The following SDHAF3 variants were observed in gnomAD, a reference collection of about 807,000 sequenced individuals.
The protein encoded by SDHAF3 is succinate dehydrogenase complex assembly factor 3, also known as succinate dehydrogenase assembly factor 3, mitochondrial.
A neutral mutation model predicts 11.5 loss-of-function variants in SDHAF3; 18 were observed. That is an observed-to-expected ratio of 1.56 (90% CI 1.08 to 2.32). SDHAF3 has a LOEUF of 2.32. Among genes scored for constraint, SDHAF3 ranks in the 30% most tolerant of loss-of-function variants. The probability of loss-of-function intolerance (pLI) is 0.00; values close to 1 mark genes in which losing one functional copy is unlikely to be tolerated. For synonymous variants in SDHAF3, 72 were observed against 59.3 expected, an observed-to-expected ratio of 1.21 and a Z score of -0.99; for missense variants, 200 against 154.4, an observed-to-expected ratio of 1.30 and a Z score of -1.57.
intron 1 of SDHAF3, among the ~76,000 whole-genome samples, chr7:97,172,667 C>G (rs1483736597): frequency 6.6e-6 from 1 of 152,074 alleles, no homozygotes; most frequent in East Asian, 1.9e-4. Flanking sequence ...TAATGGTACA[C>G]AAAGTGAATT....
chr7:97,170,505 A>T (rs1789588956), intron 1 of SDHAF3, among the ~76,000 whole-genome samples: 1 of 152,144 alleles, frequency 6.6e-6, no homozygotes, highest in South Asian at 2.1e-4. Context: ...TTCTGTGCTG[A>T]CTTCTCATTT....
At chr7:97,119,251 A>C (rs1371269803) in intron 1 of SDHAF3, among the ~76,000 whole-genome samples, 1 of 152,190 alleles carries the variant, frequency 6.6e-6, no homozygotes, top group Non-Finnish European at 1.5e-5. Context: ...TACAGGAAGG[A>C]GAGTAGCTCT....
chr7:97,176,487 A>G (rs1324922030), intron 1 of SDHAF3, among the ~76,000 whole-genome samples: 1 of 152,174 alleles, frequency 6.6e-6, no homozygotes, highest in Non-Finnish European at 1.5e-5. Flanking sequence ...TGACTTAGTC[A>G]TAAATTCACA....
At chr7:97,179,321 A>C (rs1438920005) in intron 1 of SDHAF3, among the ~76,000 whole-genome samples, 2 of 152,206 alleles carry the variant, frequency 1.3e-5, no homozygotes, top group African/African-American at 4.8e-5. Flanking sequence ...TTTGTAAATG[A>C]ATAATTTCTT....
intron 1 of SDHAF3, among the ~76,000 whole-genome samples, chr7:97,170,243 A>C (rs558316823): frequency 6.6e-6 from 1 of 152,148 alleles, no homozygotes; most frequent in East Asian, 1.9e-4. Context: ...AAAATCTATT[A>C]CTCCAGAAAG....
chr7:97,166,656 G>A (rs1199289), intron 1 of SDHAF3, among the ~76,000 whole-genome samples: 96,169 of 151,982 alleles, frequency 0.63, 30,449 homozygotes, highest in African/African-American at 0.65. Context: ...GATCAGGCAT[G>A]TCTGACCACC....
At chr7:97,146,617 T>A (rs1052323706) in intron 1 of SDHAF3, among the ~76,000 whole-genome samples, 21 of 152,194 alleles carry the variant, frequency 1.4e-4, no homozygotes, top group African/African-American at 5.1e-4. Flanking sequence ...TTTAATTGCC[T>A]GATATCTTTT....
intron 1 of SDHAF3, chr7:97,135,603 C>CTGTGTG (rs368986011): frequency 3.6e-5 from 4 of 112,392 alleles, no homozygotes. Context: ...GTGTGTGTGT[C>CTGTGTG]TGTGTGTGTG....
intron 1 of SDHAF3, among the ~76,000 whole-genome samples, chr7:97,157,792 AAAT>A (rs1789327231): frequency 1.3e-5 from 2 of 152,124 alleles, no homozygotes; most frequent in African/African-American, 4.8e-5. Context: ...CAGCCATAAA[AAAT>A]GATTTCATGT....
At chr7:97,172,055 A>G (rs1335136515) in intron 1 of SDHAF3, among the ~76,000 whole-genome samples, 1 of 152,016 alleles carries the variant, frequency 6.6e-6, no homozygotes, top group Admixed American at 6.6e-5. Flanking sequence ...AATATTTATT[A>G]TAAAATATCA....
intron 1 of SDHAF3, among the ~76,000 whole-genome samples, chr7:97,160,508 C>T (rs1279412311): frequency 1.3e-5 from 2 of 151,914 alleles, no homozygotes; most frequent in African/African-American, 4.8e-5. Context: ...GTTACTGTGT[C>T]TATGTAGAAA....
chr7:97,139,799 C>T (rs1040311413), intron 1 of SDHAF3, among the ~76,000 whole-genome samples: 1 of 152,152 alleles, frequency 6.6e-6, no homozygotes, highest in Non-Finnish European at 1.5e-5. Flanking sequence ...CTTTCTTATC[C>T]TCTGTATGCT....
rs561289607 is a variant in SDHAF3, at chr7:97,177,630, T to G, written c.175-3382T>G. Among the ~76,000 whole-genome samples the G allele has an allele frequency of 3.0e-4, 46 of 152,378 alleles. 1 individual carries two copies. In the South Asian group the frequency reaches 9.3e-3, roughly 31 times the overall value. On this transcript the variant is annotated intron_variant, in intron 1 of 1. Coordinates refer to ENST00000432641, the MANE Select transcript of SDHAF3 (RefSeq NM_020186.3). The stretch of plus-strand genomic sequence containing the variant: ...CACAGATCACTGATCTTTTACTCAT[T>G]TTTTAAATAGTTTTGTTCTGTTTAA...
intron 1 of SDHAF3, among the ~76,000 whole-genome samples, chr7:97,140,377 G>A (rs1264213244): frequency 2.6e-5 from 3 of 114,396 alleles, no homozygotes; most frequent in East Asian, 5.1e-4. Context: ...ATGGAGTCTC[G>A]CTCTGTCACC....
intron 1 of SDHAF3, among the ~76,000 whole-genome samples, 165 bp from the exon 2 acceptor site, chr7:97,180,847 G>C (rs749077753): frequency 3.3e-5 from 5 of 152,152 alleles, no homozygotes; most frequent in African/African-American, 4.8e-5. Context: ...TACATGAAAT[G>C]ATCAATGAAT....
intron 1 of SDHAF3, among the ~76,000 whole-genome samples, chr7:97,169,945 A>G (rs1273235896): frequency 6.6e-6 from 1 of 152,094 alleles, no homozygotes; most frequent in Non-Finnish European, 1.5e-5. Context: ...TTCCCCATCA[A>G]TTTTTAAATC....
chr7:97,136,336 T>C (rs929115776), intron 1 of SDHAF3: 3 of 535,118 alleles, frequency 5.6e-6, no homozygotes, highest in Non-Finnish European at 1.0e-5. Flanking sequence ...AACCTGTAAT[T>C]TGTTTCTTTG....
At chr7:97,158,162 T>C (rs573338883) in intron 1 of SDHAF3, among the ~76,000 whole-genome samples, 63 of 152,292 alleles carry the variant, frequency 4.1e-4, no homozygotes, top group African/African-American at 1.5e-3. Flanking sequence ...AGGTTACTTG[T>C]CTTAAAATTT....
chr7:97,146,821 C>G (rs527494018), intron 1 of SDHAF3, among the ~76,000 whole-genome samples: 18 of 147,472 alleles, frequency 1.2e-4, no homozygotes, highest in African/African-American at 4.0e-4. Context: ...GAGTCTCACT[C>G]TGTCGCCCAG....
Sources: gnomAD v4.1 joint callset for allele counts (sites outside exome capture counted in the v4.1 genomes callset) on GRCh38, gnomAD v4.1.1 for gene constraint, MANE v1.5 for transcripts, NCBI Gene and HGNC (gene_info 2026-07-23, HGNC 2026-07-21) for gene names.